AATF: variants seen among roughly 807,000 people sequenced by gnomAD.
The protein encoded by AATF is protein AATF.
In AATF, 48 loss-of-function variants were observed where a neutral mutation model predicts 63.7. That is an observed-to-expected ratio of 0.75 (90% CI 0.60 to 0.96). The LOEUF is 0.96. Among genes scored for constraint, AATF ranks in the 40% least tolerant of loss-of-function variants. AATF has a pLI of 0.00. For missense variants in AATF, 639 were observed against 685.7 expected, an observed-to-expected ratio of 0.93 and a Z score of 0.76; for synonymous variants, 258 against 247.7, an observed-to-expected ratio of 1.04 and a Z score of -0.39.
intron 11 of AATF, 87 bp downstream of exon 11, chr17:37,031,772 T>G: frequency 1.9e-6 from 2 of 1,033,384 alleles, no homozygotes; most frequent in South Asian, 2.5e-5. Flanking sequence ...TCTCCATTTC[T>G]TCTTATCAGT....
chr17:37,035,725 G>A (rs530689483), intron 11 of AATF, among the ~76,000 whole-genome samples: 1 of 152,166 alleles, frequency 6.6e-6, no homozygotes, highest in African/African-American at 2.4e-5. Flanking sequence ...AGGATTACTG[G>A]CGTGAGCCAC....
chr17:37,055,241 CTT>C (rs2071788219), intron 11 of AATF: 1 of 152,240 alleles, frequency 6.6e-6, no homozygotes. Context: ...CTGGCCTGCA[CTT>C]TCACTGCCTG....
At chr17:36,964,763 C>T (rs9907054) in intron 4 of AATF, among the ~76,000 whole-genome samples, 2 of 151,252 alleles carry the variant, frequency 1.3e-5, no homozygotes, top group African/African-American at 2.4e-5. Flanking sequence ...CCCCCTCCCC[C>T]CCACTGTAGC....
rs766997753 is a variant in AATF at position 36,989,419 on chromosome 17, C to G, written c.1314+8C>G. Reference sequence around the variant, plus strand: ...AGTTTGCCAGGGGAACCGGTAAGAACTCTGTAATGCAGAGTGATTATGGGG... The same window carrying G: ...AGTTTGCCAGGGGAACCGGTAAGAAGTCTGTAATGCAGAGTGATTATGGGG... On this transcript the variant is annotated splice_region_variant and intron_variant, in intron 7 of 11. Transcript: ENST00000619387. 6.2e-7 allele frequency: 1 copy of G among 1,604,074 alleles called. No individual in the cohort carries two copies. The highest frequency in any genetic ancestry group is 8.5e-7 in the Non-Finnish European group (1 of 1,173,408).
chr17:37,050,342 C>CT (rs1451599738), intron 11 of AATF, among the ~76,000 whole-genome samples: 1 of 152,200 alleles, frequency 6.6e-6, no homozygotes, highest in Non-Finnish European at 1.5e-5. Context: ...TCCACAAAAT[C>CT]TAACAAAGTT....
chr17:37,055,405 A>G (rs1741147166), intron 11 of AATF: 1 of 152,102 alleles, frequency 6.6e-6, no homozygotes, highest in African/African-American at 2.4e-5. Context: ...ATTCCTATCC[A>G]TAACTATAGT....
intron 4 of AATF, chr17:36,980,032 T>C (rs1314818080): frequency 6.6e-6 from 1 of 152,222 alleles, no homozygotes; most frequent in Non-Finnish European, 1.5e-5. Flanking sequence ...GATAGTAATA[T>C]GCCTTCTATT....
intron 10 of AATF, 36 bp downstream of exon 10, chr17:37,021,050 T>A: frequency 1.0e-5 from 15 of 1,430,938 alleles, no homozygotes; most frequent in East Asian, 2.4e-5. Flanking sequence ...CAACATATAT[T>A]GTATATGTAT....
rs1210695760 is a variant in AATF, at chr17:37,016,903, G to GA, written c.1399-2101dup. Among the ~76,000 whole-genome samples, 7 of 152,260 alleles carry GA rather than the reference G, an allele frequency of 4.6e-5. 1 individual carries two copies. In the East Asian group the frequency reaches 9.6e-4, roughly 21 times the overall value. ...CTGAAATATTGGACTGAATAAACTA[G>GA]ACCTAGCTAGATAGACCAATAAAAC... On this transcript the variant is annotated intron_variant, in intron 8 of 11. Transcript: ENST00000619387.
Position 36,960,785 on chromosome 17 carries a change from G to A in AATF, c.832+6878G>A, listed in dbSNP as rs1485331669. On this transcript the variant is annotated intron_variant, in intron 4 of 11. Coordinates refer to ENST00000619387, the MANE Select transcript of AATF (RefSeq NM_012138.4). ...TAATTGTAACATTGTGTAGGCTTAA[G>A]GACCCTTATTGCTGCAGACTTCATC... 3.9e-5 allele frequency among the ~76,000 whole-genome samples: 6 copies of A among 152,156 alleles called. No homozygotes were observed. The South Asian group carries it at 1.0e-3, about 26-fold the overall frequency.
At chr17:37,009,823 CAAAAAAA>C (rs1160362372) in intron 8 of AATF, among the ~76,000 whole-genome samples, 440 of 28,766 alleles carry the variant, frequency 0.015, 1 homozygote, top group African/African-American at 0.041. Context: ...GACTCCGTCT[CAAAAAAA>C]AAAAAAAAAA....
Position 37,029,644 on chromosome 17 carries a change from C to T in AATF, c.1548-1970C>T, listed in dbSNP as rs1162286179. ...GCAGTGACATAATCTCGATTCACTG[C>T]ATCCTCCATCTCCCGGGTTCAAGGG... On this transcript the variant is annotated intron_variant, in intron 10 of 11. Transcript: ENST00000619387. 2.0e-5 allele frequency among the ~76,000 whole-genome samples: 3 copies of T among 152,294 alleles called. No homozygotes were observed. In the East Asian group the frequency reaches 5.8e-4, roughly 29 times the overall value.
At chr17:36,970,023 A>G (rs2071026643) in intron 4 of AATF, among the ~76,000 whole-genome samples, 1 of 152,210 alleles carries the variant, frequency 6.6e-6, no homozygotes, top group Non-Finnish European at 1.5e-5. Flanking sequence ...CATTGTATGG[A>G]TATACCACAA....
At chr17:37,018,983 G>A (rs753059353) in intron 8 of AATF, 22 bp from the exon 9 acceptor site, 15 of 1,607,562 alleles carry the variant, frequency 9.3e-6, no homozygotes, top group East Asian at 2.2e-5. Flanking sequence ...AAATAAATTC[G>A]TTGCTTTCCT....
intron 9 of AATF, among the ~76,000 whole-genome samples, chr17:37,020,027 C>T (rs371822161): frequency 3.4e-4 from 51 of 151,606 alleles, no homozygotes; most frequent in African/African-American, 1.2e-3. Flanking sequence ...GTTGAATTTT[C>T]GTTGTATAAA....
At chr17:37,013,229 A>AT (rs1222126112) in intron 8 of AATF, among the ~76,000 whole-genome samples, 1 of 152,240 alleles carries the variant, frequency 6.6e-6, no homozygotes, top group African/African-American at 2.4e-5. Context: ...GCTCTGCATC[A>AT]TTAGCCATTA....
At chr17:36,994,849 T>C (rs969596755) in intron 8 of AATF, among the ~76,000 whole-genome samples, 2 of 152,246 alleles carry the variant, frequency 1.3e-5, no homozygotes, top group Non-Finnish European at 2.9e-5. Flanking sequence ...CAGGATTTGC[T>C]AAACACTAGT....
chr17:36,982,678 T>G (rs1394282463), intron 4 of AATF, among the ~76,000 whole-genome samples: 1 of 152,138 alleles, frequency 6.6e-6, no homozygotes, highest in Non-Finnish European at 1.5e-5. Flanking sequence ...TTTTTTTTGT[T>G]TGTTTGTTTT....
intron 8 of AATF, among the ~76,000 whole-genome samples, chr17:36,991,767 A>G (rs2071217272): frequency 6.6e-6 from 1 of 151,844 alleles, no homozygotes; most frequent in South Asian, 2.1e-4. Context: ...TTGTATTTTT[A>G]GTAGAGACGG....
Sources: gnomAD v4.1 joint callset for allele counts (sites outside exome capture counted in the v4.1 genomes callset) on GRCh38, gnomAD v4.1.1 for gene constraint, MANE v1.5 for transcripts, NCBI Gene and HGNC (gene_info 2026-07-23, HGNC 2026-07-21) for gene names.